CDK14: variants seen among roughly 807,000 people sequenced by gnomAD.
CDK14 encodes the protein cyclin-dependent kinase 14.
CDK14 carries 34 observed loss-of-function variants against 60.7 expected under a neutral mutation model. That is an observed-to-expected ratio of 0.56 (90% CI 0.43 to 0.75). CDK14 has a LOEUF of 0.75. Ranked by LOEUF, CDK14 falls within the 30% of genes least tolerant of loss-of-function variation. The pLI is 0.00. For synonymous variants in CDK14, 197 were observed against 203.7 expected (o/e 0.97, Z 0.28); for missense variants, 482 against 564.1 (o/e 0.85, Z 1.47).
chr7:90,821,445 C>A (rs1789545808), intron 5 of CDK14, among the ~76,000 whole-genome samples: 1 of 152,222 alleles, frequency 6.6e-6, no homozygotes, highest in African/African-American at 2.4e-5. Flanking sequence ...CCTCTAATTT[C>A]TTTGTTCGTG....
At chr7:91,061,400 C>A (rs1032709794) in intron 11 of CDK14, among the ~76,000 whole-genome samples, 1 of 152,216 alleles carries the variant, frequency 6.6e-6, no homozygotes, top group Admixed American at 6.5e-5. Flanking sequence ...TCTCTCAATT[C>A]GTCAAAGTCA....
rs1802932411 is a variant in CDK14 at position 91,207,236 on chromosome 7, T to C, written c.*100T>C. ...GAGGCCAATAATATGAAGGGAATCA[T>C]GGATCAGTTTTCTTTCGCTCCCTGT... On this transcript the variant is annotated 3_prime_UTR_variant, in exon 15 of 15. Transcript: ENST00000380050. 6.6e-6 allele frequency: 1 copy of C among 152,132 alleles called. No individual in the cohort carries two copies. The highest frequency in any genetic ancestry group is 1.5e-5 in the Non-Finnish European group (1 of 68,014). The allele number at this position is 152,132 out of a possible 1,614,324, so 9.4% of individuals were successfully genotyped here.
chr7:90,902,512 A>G (rs1418046061), intron 7 of CDK14, among the ~76,000 whole-genome samples: 1 of 152,094 alleles, frequency 6.6e-6, no homozygotes, highest in Non-Finnish European at 1.5e-5. Flanking sequence ...GGGAAATAAC[A>G]TTCTCTTCAA....
chr7:90,633,477 C>T (rs1434754260), intron 2 of CDK14, among the ~76,000 whole-genome samples: 1 of 152,100 alleles, frequency 6.6e-6, no homozygotes, highest in African/African-American at 2.4e-5. Context: ...TTATTTGTAA[C>T]AATTCATTGA....
intron 4 of CDK14, among the ~76,000 whole-genome samples, chr7:90,768,724 A>C (rs1804667215): frequency 6.6e-6 from 1 of 152,230 alleles, no homozygotes; most frequent in South Asian, 2.1e-4. Flanking sequence ...TCTCTCACTT[A>C]GATTCAAAAT....
intron 6 of CDK14, among the ~76,000 whole-genome samples, chr7:90,875,171 T>TTGTA (rs1791515713): frequency 6.6e-6 from 1 of 152,252 alleles, no homozygotes. Flanking sequence ...TTCATCCATG[T>TTGTA]TGTAGCTTTT....
At chr7:90,725,527 T>G (rs1037379609) in intron 2 of CDK14, among the ~76,000 whole-genome samples, 1 of 152,176 alleles carries the variant, frequency 6.6e-6, no homozygotes, top group Non-Finnish European at 1.5e-5. Context: ...AACTTCGTAT[T>G]TTTACCTTAA....
intron 2 of CDK14, among the ~76,000 whole-genome samples, chr7:90,687,903 C>T (rs949946258): frequency 6.6e-6 from 1 of 152,004 alleles, no homozygotes; most frequent in African/African-American, 2.4e-5. Flanking sequence ...TGATCTAAAG[C>T]AAATAGGAAC....
At chr7:90,868,659 G>C (rs751802183) in intron 6 of CDK14, among the ~76,000 whole-genome samples, 2 of 151,974 alleles carry the variant, frequency 1.3e-5, no homozygotes, top group African/African-American at 2.4e-5. Context: ...AAATCATAAA[G>C]CCCATAAAAT....
At chr7:91,144,247 A>G (rs1365969872) in intron 14 of CDK14, among the ~76,000 whole-genome samples, 2 of 152,224 alleles carry the variant, frequency 1.3e-5, no homozygotes, top group Admixed American at 6.5e-5. Flanking sequence ...GCAGTAAGAA[A>G]TAAAAAGTAT....
At chr7:90,843,957 A>G (rs1019355822) in intron 5 of CDK14, among the ~76,000 whole-genome samples, 5 of 152,148 alleles carry the variant, frequency 3.3e-5, no homozygotes, top group African/African-American at 1.2e-4. Flanking sequence ...TTACTAGGGA[A>G]AAGGTAAGCA....
chr7:90,970,545 A>C (rs1011576435), intron 9 of CDK14, among the ~76,000 whole-genome samples: 2 of 152,222 alleles, frequency 1.3e-5, no homozygotes, highest in Non-Finnish European at 2.9e-5. Flanking sequence ...TAACAAAGAG[A>C]TTGCTGACCC....
intron 6 of CDK14, among the ~76,000 whole-genome samples, chr7:90,864,062 A>G (rs1791097108): frequency 6.6e-6 from 1 of 152,048 alleles, no homozygotes; most frequent in African/African-American, 2.4e-5. Context: ...TTGTCAGTGT[A>G]TTAGGACCCC....
intron 14 of CDK14, among the ~76,000 whole-genome samples, chr7:91,134,868 C>A (rs1348291394): frequency 6.6e-6 from 1 of 151,384 alleles, no homozygotes; most frequent in Non-Finnish European, 1.5e-5. Context: ...CAGAGTGAGA[C>A]CCTGTCTCAA....
chr7:91,034,552 A>G lies in CDK14; in HGVS notation c.1042-11345A>G, dbSNP rs10223931. Reference sequence around the variant, plus strand: ...CTTTGCAATGTTGAAAACTCTACATAATATTTTGGAAACACCCTCTCCTTC... The same window carrying G: ...CTTTGCAATGTTGAAAACTCTACATGATATTTTGGAAACACCCTCTCCTTC... On this transcript the variant is annotated intron_variant, in intron 10 of 14. Coordinates refer to ENST00000380050, the MANE Select transcript of CDK14 (RefSeq NM_001287135.2). Among the ~76,000 whole-genome samples the G allele has an allele frequency of 6.8e-3, 1,041 of 152,152 alleles. 13 individuals carry two copies. Among genetic ancestry groups the G allele is most frequent in the African/African-American group, 0.024 (993 of 41,488 alleles).
chr7:90,960,758 A>C (rs961709650), intron 9 of CDK14, among the ~76,000 whole-genome samples: 2 of 152,254 alleles, frequency 1.3e-5, no homozygotes, highest in Admixed American at 6.5e-5. Flanking sequence ...GTATATAATA[A>C]AATAATGTTT....
chr7:90,721,464 A>G (rs1304405929), intron 2 of CDK14, among the ~76,000 whole-genome samples: 1 of 152,144 alleles, frequency 6.6e-6, no homozygotes, highest in Non-Finnish European at 1.5e-5. Flanking sequence ...TGATGCTCGA[A>G]TAAATAATCA....
intron 11 of CDK14, among the ~76,000 whole-genome samples, chr7:91,046,614 G>C (rs1036709624): frequency 2.0e-5 from 3 of 152,004 alleles, no homozygotes; most frequent in African/African-American, 7.2e-5. Context: ...TATAAGAGAA[G>C]GGAAAGGTTT....
intron 5 of CDK14, among the ~76,000 whole-genome samples, chr7:90,808,849 A>T (rs933613194): frequency 2.6e-5 from 4 of 152,228 alleles, no homozygotes; most frequent in Non-Finnish European, 5.9e-5. Context: ...TTAAACCAAC[A>T]AAGATCAAAA....
Sources: allele counts gnomAD v4.1 joint callset (sites outside exome capture counted in the v4.1 genomes callset), GRCh38; gene constraint gnomAD v4.1.1; transcripts MANE v1.5; gene names NCBI Gene and HGNC (gene_info 2026-07-23, HGNC 2026-07-21).